PLA2G5: variants seen among roughly 807,000 people sequenced by gnomAD.
The protein encoded by PLA2G5 is Ca2+-dependent phospholipase A2.
PLA2G5 carries 12 observed loss-of-function variants against 15.9 expected under a neutral mutation model. The ratio of observed to expected loss-of-function variants is 0.76; its 90% CI spans 0.48 to 1.23. The LOEUF (loss-of-function observed/expected upper bound fraction) is 1.23, where lower values mean the gene tolerates loss of function less well. PLA2G5 is among the 50% of genes most tolerant of loss of function. PLA2G5 has a pLI of 0.00. For synonymous variants in PLA2G5, 71 were observed against 71.4 expected (o/e 0.99, Z 0.03); for missense variants, 169 against 177.1 (o/e 0.95, Z 0.26).
intron 1 of PLA2G5, among the ~76,000 whole-genome samples, chr1:20,032,989 T>G (rs1360418010): frequency 6.6e-6 from 1 of 152,218 alleles, no homozygotes; most frequent in Non-Finnish European, 1.5e-5. Context: ...CCTATGGGGA[T>G]TCCTTTTGTA....
intron 3 of PLA2G5, 35 bp from the exon 4 acceptor site, chr1:20,089,754 C>T (rs1223845516): frequency 6.4e-7 from 1 of 1,564,806 alleles, no homozygotes; most frequent in Admixed American, 1.7e-5. Flanking sequence ...GAGGGCACCC[C>T]TCCCACTCGG....
At chr1:20,055,495 A>C (rs1273894155) in intron 1 of PLA2G5, among the ~76,000 whole-genome samples, 1 of 152,122 alleles carries the variant, frequency 6.6e-6, no homozygotes, top group Non-Finnish European at 1.5e-5. Flanking sequence ...GGTCTTGATG[A>C]CCAACTACAG....
At chr1:20,066,090 T>G (rs2015010467), upstream of PLA2G5, 1 of 152,182 alleles carries the variant, frequency 6.6e-6, no homozygotes, top group African/African-American at 2.4e-5. Flanking sequence ...CTTGGCAGCA[T>G]TTGTGGTGTT....
At chr1:20,029,343 CCT>C (rs2012762927) in intron 1 of PLA2G5, among the ~76,000 whole-genome samples, 1 of 138,858 alleles carries the variant, frequency 7.2e-6, no homozygotes, top group Non-Finnish European at 1.5e-5. Flanking sequence ...GTGTTCCTCC[CCT>C]GATACGTTCC....
intron 1 of PLA2G5, among the ~76,000 whole-genome samples, chr1:20,030,229 G>A (rs1445051819): frequency 2.0e-5 from 3 of 151,890 alleles, no homozygotes; most frequent in African/African-American, 4.8e-5. Context: ...CTACTATCTC[G>A]GTGAGGGGGA....
At chr1:20,067,087 T>G (rs2015070291), upstream of PLA2G5, among the ~76,000 whole-genome samples, 1 of 152,026 alleles carries the variant, frequency 6.6e-6, no homozygotes, top group Non-Finnish European at 1.5e-5. Context: ...CCTCTGCCTG[T>G]GAGGCTCAAG....
intron 1 of PLA2G5, 75 bp downstream of exon 1, chr1:20,070,540 G>A (rs1018211424): frequency 3.3e-6 from 3 of 914,598 alleles, no homozygotes; most frequent in Non-Finnish European, 3.9e-6. Context: ...ACTGGAGAAG[G>A]GGGTGTGTGG....
At chr1:20,060,247 C>CTTTTTTTTTTTTTTTTTTT (rs71585739) in intron 2 of PLA2G5, among the ~76,000 whole-genome samples, 19 of 83,690 alleles carry the variant, frequency 2.3e-4, no homozygotes, top group East Asian at 9.8e-4. Context: ...CTTTTTTCTT[C>CTTTTTTTTTTTTTTTTTTT]TTTTTTTTTT....
intron 1 of PLA2G5, among the ~76,000 whole-genome samples, chr1:20,044,375 G>GC (rs1343986739): frequency 4.6e-5 from 7 of 151,916 alleles, no homozygotes; most frequent in East Asian, 3.9e-4. Context: ...GTTGTGGGGG[G>GC]GGTTTGAGGT....
At chr1:20,049,442 T>G (rs577937806) in intron 1 of PLA2G5, among the ~76,000 whole-genome samples, 2 of 152,148 alleles carry the variant, frequency 1.3e-5, no homozygotes, top group South Asian at 2.1e-4. Context: ...TTTTAATTTT[T>G]TTTAACCCTG....
At chr1:20,070,902 G>T (rs1195946947) in intron 1 of PLA2G5, 1 of 152,204 alleles carries the variant, frequency 6.6e-6, no homozygotes, top group Non-Finnish European at 1.5e-5. Flanking sequence ...CATCCACTGT[G>T]TGCCAGACAC....
intron 1 of PLA2G5, among the ~76,000 whole-genome samples, chr1:20,053,482 A>G (rs1184005402): frequency 7.5e-6 from 1 of 133,818 alleles, no homozygotes; most frequent in East Asian, 2.2e-4. Flanking sequence ...TATGAAATTT[A>G]TTTTTCATAT....
intron 1 of PLA2G5, among the ~76,000 whole-genome samples, chr1:20,056,339 C>G (rs1030434262): frequency 1.3e-5 from 2 of 151,912 alleles, no homozygotes; most frequent in African/African-American, 4.8e-5. Flanking sequence ...AGTTGGCCAT[C>G]TTGCCCCCCT....
chr1:20,083,892 G>A (rs1028994140), intron 1 of PLA2G5, among the ~76,000 whole-genome samples: 22 of 151,734 alleles, frequency 1.4e-4, no homozygotes, highest in African/African-American at 3.4e-4. Flanking sequence ...CAGCACTCTC[G>A]TGAGCCCCCA....
intron 2 of PLA2G5, among the ~76,000 whole-genome samples, chr1:20,062,128 C>T (rs768722117): frequency 2.0e-5 from 3 of 152,212 alleles, no homozygotes; most frequent in Admixed American, 6.5e-5. Flanking sequence ...GCCGAGCATA[C>T]GCTGGCATCA....
intron 1 of PLA2G5, among the ~76,000 whole-genome samples, chr1:20,083,404 C>T (rs1285563805): frequency 6.6e-6 from 1 of 151,804 alleles, no homozygotes; most frequent in Non-Finnish European, 1.5e-5. Context: ...TCAGGTAGAG[C>T]TCTGGCACAA....
intron 1 of PLA2G5, among the ~76,000 whole-genome samples, chr1:20,077,217 G>C (rs1245048019): frequency 1.3e-5 from 2 of 152,330 alleles, no homozygotes; most frequent in Non-Finnish European, 2.9e-5. Flanking sequence ...GAAGTGGCTG[G>C]GGCATCTTTA....
At chr1:20,089,658 A>C in intron 3 of PLA2G5, 131 bp from the exon 4 acceptor site, 4 of 672,078 alleles carry the variant, frequency 6.0e-6, no homozygotes, top group Non-Finnish European at 1.1e-5. Flanking sequence ...ACACTACCAG[A>C]TCCTCCCTGC....
chr1:20,064,222 A>T (rs868160550), intron 2 of PLA2G5, among the ~76,000 whole-genome samples: 12 of 152,222 alleles, frequency 7.9e-5, no homozygotes, highest in South Asian at 2.1e-4. Flanking sequence ...TTTTTAAAAA[A>T]ATATAACTAC....
Sources: gnomAD v4.1 joint callset for allele counts (sites outside exome capture counted in the v4.1 genomes callset) on GRCh38, gnomAD v4.1.1 for gene constraint, MANE v1.5 for transcripts, NCBI Gene and HGNC (gene_info 2026-07-23, HGNC 2026-07-21) for gene names.